Variants in PRR16 observed in about 807,000 individuals in gnomAD.
The protein encoded by PRR16 is proline rich 16.
PRR16 carries 6 observed loss-of-function variants against 18.2 expected under a neutral mutation model. The observed-to-expected ratio is 0.33, with a 90% CI of 0.18 to 0.65. PRR16 has a LOEUF of 0.65. Among genes scored for constraint, PRR16 ranks in the 30% least tolerant of loss-of-function variants. The pLI, the probability that PRR16 is intolerant of heterozygous loss-of-function variation, is 0.74. For synonymous variants in PRR16, 151 were observed against 147.8 expected, an observed-to-expected ratio of 1.02 and a Z score of -0.16; for missense variants, 412 against 376.6, an observed-to-expected ratio of 1.09 and a Z score of -0.78.
At chr5:120,646,528 G>A (rs769547025) in intron 1 of PRR16, among the ~76,000 whole-genome samples, 30 of 151,966 alleles carry the variant, frequency 2.0e-4, no homozygotes, top group Non-Finnish European at 3.4e-4. Flanking sequence ...GAGAATCTAC[G>A]CTGGGATTAC....
intron 1 of PRR16, among the ~76,000 whole-genome samples, chr5:120,526,427 G>A (rs986652252): frequency 6.6e-6 from 1 of 151,950 alleles, no homozygotes; most frequent in Non-Finnish European, 1.5e-5. Flanking sequence ...TTCTGAATTT[G>A]GAATACATTT....
At chr5:120,616,030 A>G (rs368530819) in intron 1 of PRR16, among the ~76,000 whole-genome samples, 8 of 152,308 alleles carry the variant, frequency 5.3e-5, no homozygotes, top group Admixed American at 2.6e-4. Context: ...AGAAGCTGAG[A>G]ATAACGTGCC....
At chr5:120,550,785 A>G (rs1346559738) in intron 1 of PRR16, among the ~76,000 whole-genome samples, 1 of 152,018 alleles carries the variant, frequency 6.6e-6, no homozygotes, top group Non-Finnish European at 1.5e-5. Flanking sequence ...CATGAATTTT[A>G]AAATTCAGTG....
the PRR16 span, among the ~76,000 whole-genome samples, chr5:120,746,670 A>G: frequency 6.6e-6 from 1 of 152,098 alleles, no homozygotes; most frequent in Non-Finnish European, 1.5e-5. Flanking sequence ...ATTTGTTTTC[A>G]ATTTGTCTGG....
chr5:120,698,658 A>G, the PRR16 span, among the ~76,000 whole-genome samples: 1 of 152,030 alleles, frequency 6.6e-6, no homozygotes, highest in Non-Finnish European at 1.5e-5. Flanking sequence ...AATAAAAAGG[A>G]GCGTCTATAC....
At chr5:120,780,374 T>TA in the PRR16 span, among the ~76,000 whole-genome samples, 1 of 152,194 alleles carries the variant, frequency 6.6e-6, no homozygotes, top group Non-Finnish European at 1.5e-5. Context: ...AATTTACACT[T>TA]AATTATAAGA....
the PRR16 span, among the ~76,000 whole-genome samples, chr5:120,712,775 A>G: frequency 5.3e-5 from 8 of 152,196 alleles, no homozygotes; most frequent in African/African-American, 1.9e-4. Flanking sequence ...ACAATGAGTT[A>G]TCATTTATAC....
intron 1 of PRR16, among the ~76,000 whole-genome samples, chr5:120,525,414 A>C (rs2112658424): frequency 6.6e-6 from 1 of 152,036 alleles, no homozygotes; most frequent in Admixed American, 6.6e-5. Context: ...TTCCCTTTTA[A>C]ATTTATGCTA....
At chr5:120,536,613 T>C (rs1214159740) in intron 1 of PRR16, among the ~76,000 whole-genome samples, 1 of 152,332 alleles carries the variant, frequency 6.6e-6, no homozygotes, top group Admixed American at 6.5e-5. Context: ...AGTTTTGTTA[T>C]GTGGAAAAAG....
chr5:120,584,675 G>A (rs1006269259), intron 1 of PRR16, among the ~76,000 whole-genome samples: 2 of 152,086 alleles, frequency 1.3e-5, no homozygotes, highest in Non-Finnish European at 2.9e-5. Context: ...TATGGGTTGT[G>A]AATAACCCAT....
chr5:120,791,612 T>TATCTATCA, the PRR16 span, among the ~76,000 whole-genome samples: 1 of 81,616 alleles, frequency 1.2e-5, no homozygotes, highest in African/African-American at 3.8e-5. Flanking sequence ...TCTATCTATC[T>TATCTATCA]ATCTATCTAT....
chr5:120,691,224 C>T (rs1757205096), downstream of PRR16, among the ~76,000 whole-genome samples: 1 of 152,130 alleles, frequency 6.6e-6, no homozygotes, highest in African/African-American at 2.4e-5. Context: ...CACAATATCG[C>T]CACTTAATTG....
the PRR16 span, chr5:120,790,177 G>C: frequency 1.3e-5 from 2 of 151,980 alleles, no homozygotes; most frequent in Admixed American, 1.3e-4. Flanking sequence ...AGAGCCTTGG[G>C]GGTAAAAAAA....
At chr5:120,525,427 T>C (rs1751316046) in intron 1 of PRR16, among the ~76,000 whole-genome samples, 1 of 152,058 alleles carries the variant, frequency 6.6e-6, no homozygotes, top group African/African-American at 2.4e-5. Flanking sequence ...TTATGCTATC[T>C]TGCTGTATTT....
At chr5:120,754,397 T>TAGA in the PRR16 span, among the ~76,000 whole-genome samples, 1 of 99,700 alleles carries the variant, frequency 1.0e-5, no homozygotes, top group African/African-American at 4.2e-5. Context: ...TTATATGTTA[T>TAGA]ATATTATACT....
the PRR16 span, among the ~76,000 whole-genome samples, chr5:120,771,262 A>T: frequency 1.3e-5 from 2 of 152,090 alleles, no homozygotes; most frequent in African/African-American, 4.8e-5. Context: ...CTGCTAAAAG[A>T]AGGAATTTTT....
At chr5:120,641,116 A>G (rs547659379) in intron 1 of PRR16, among the ~76,000 whole-genome samples, 39 of 152,334 alleles carry the variant, frequency 2.6e-4, no homozygotes, top group South Asian at 1.2e-3. Context: ...GAGAGGCTAA[A>G]CACAACTTTC....
chr5:120,477,079 C>T (rs56053702), intron 1 of PRR16, among the ~76,000 whole-genome samples: 9,514 of 152,078 alleles, frequency 0.063, 654 homozygotes, highest in African/African-American at 0.17. Context: ...TTTTTGTTAC[C>T]TTCACTTATT....
chr5:120,675,441 G>A (rs1039328953), intron 1 of PRR16, among the ~76,000 whole-genome samples: 18 of 152,106 alleles, frequency 1.2e-4, no homozygotes, highest in African/African-American at 4.3e-4. Context: ...ATTCAACAAT[G>A]CCCCACTCTA....
Sources: gnomAD v4.1 joint callset for allele counts (sites outside exome capture counted in the v4.1 genomes callset) on GRCh38, gnomAD v4.1.1 for gene constraint, MANE v1.5 for transcripts, NCBI Gene and HGNC (gene_info 2026-07-23, HGNC 2026-07-21) for gene names.